The following SYNE1 variants were observed in gnomAD, a reference collection of about 807,000 sequenced individuals.
SYNE1 encodes nesprin-1.
In SYNE1, 616 loss-of-function variants were observed where a neutral mutation model predicts 1,111.0. That is an observed-to-expected ratio of 0.55 (90% CI 0.52 to 0.59). SYNE1 has a LOEUF of 0.59. Ranked by LOEUF, SYNE1 falls within the 20% of genes least tolerant of loss-of-function variation. SYNE1 has a pLI of 0.00. For missense variants in SYNE1, 10,006 were observed against 10,417.0 expected (o/e 0.96, Z 1.72); for synonymous variants, 3,855 against 3,825.8 (o/e 1.01, Z -0.28).
At chr6:152,448,800 C>A (rs369759120) in intron 28 of SYNE1, among the ~76,000 whole-genome samples, 1 of 152,032 alleles carries the variant, frequency 6.6e-6, no homozygotes, top group Non-Finnish European at 1.5e-5. Flanking sequence ...TATGAAGGTG[C>A]CACTGCACTC....
intron 16 of SYNE1, among the ~76,000 whole-genome samples, chr6:152,466,563 A>G (rs1022160130): frequency 7.9e-5 from 12 of 152,178 alleles, no homozygotes; most frequent in African/African-American, 2.7e-4. Flanking sequence ...AATTGGAAAT[A>G]ATTACATATT....
intron 3 of SYNE1, among the ~76,000 whole-genome samples, chr6:152,549,409 C>T (rs776485272): frequency 6.6e-6 from 1 of 152,212 alleles, no homozygotes; most frequent in Non-Finnish European, 1.5e-5. Flanking sequence ...GTTTGTTACA[C>T]AGCAAAGGCT....
At chr6:152,550,144 G>C (rs1426533240) in intron 3 of SYNE1, among the ~76,000 whole-genome samples, 1 of 152,112 alleles carries the variant, frequency 6.6e-6, no homozygotes, top group Non-Finnish European at 1.5e-5. Context: ...ACAAAATATA[G>C]TAAATCTAAG....
At position 152,148,319 on chromosome 6, in the gene SYNE1, A is replaced by T; in HGVS notation, c.24702T>A (p.Ala8234=). Residue 8234 remains alanine (A), a synonymous_variant, in exon 137 of 146, where the codon GCT becomes GCA. Coordinates refer to ENST00000367255, the MANE Select transcript of SYNE1 (RefSeq NM_182961.4). This position sits in a 1 kb window ranked among gnomAD's most constrained non-coding sequence, Gnocchi z 4.1. ...DRELELEDSA[A]LSDLHWHDRS... The stretch of plus-strand genomic sequence containing the variant: ...GGTCGTGCCAGTGCAGGTCCGACAG[A>T]GCTGCAGAGTCTTCCAGCTCCAGCT... The T allele has an allele frequency of 5.0e-6, 8 of 1,614,162 alleles. No homozygotes were observed. Among genetic ancestry groups the T allele is most frequent in the Non-Finnish European group, 6.8e-6 (8 of 1,180,012 alleles).
At chr6:152,339,901 A>G (rs976717266) in intron 74 of SYNE1, among the ~76,000 whole-genome samples, 3 of 152,226 alleles carry the variant, frequency 2.0e-5, no homozygotes, top group Non-Finnish European at 1.5e-5. Context: ...ATTTATAGAA[A>G]CAAAGAAATG....
At chr6:152,404,440 G>T in intron 45 of SYNE1, 126 bp from the exon 46 acceptor site, 1 of 715,628 alleles carries the variant, frequency 1.4e-6, no homozygotes, top group Non-Finnish European at 2.4e-6. Flanking sequence ...AAAAAAATCT[G>T]TTTCATTTTT....
Position 152,347,267 on chromosome 6 carries a change from G to A in SYNE1, c.11902-32C>T, listed in dbSNP as rs777034374. The A allele has an allele frequency of 1.1e-5, 18 of 1,612,720 alleles. No individual in the cohort carries two copies. In the South Asian group the frequency reaches 1.9e-4, roughly 17 times the overall value. On this transcript the variant is annotated intron_variant, in intron 72 of 145. Coordinates refer to ENST00000367255, the MANE Select transcript of SYNE1 (RefSeq NM_182961.4). ...AAGTGAAACCAATACAGAGTTTTCA[G>A]AATTCTACTTTTAAGTAACTTATCC...
Position 152,359,401 on chromosome 6 carries a change from C to G in SYNE1, c.10357G>C (p.Gly3453Arg), listed in dbSNP as rs139823841. ...ACATAGTGTTCTGTCATGCCAGCCCCTTTGACTTCGATGGTCTCCAGCAAG... is the reference window on the plus strand; with the variant it reads ...ACATAGTGTTCTGTCATGCCAGCCCGTTTGACTTCGATGGTCTCCAGCAAG... ...SSLLETIEVK[G>R]AGMTEHYVTQ... The change falls in exon 65 of 146, where the codon GGG becomes CGG. Residue 3453 changes from glycine to arginine, a missense_variant. By Grantham distance (125) the Gly-to-Arg change is moderately radical. This residue lies in a region of SYNE1 where 4,955 missense variants were observed against 5,017.2 expected (regional missense o/e 0.99). Coordinates refer to ENST00000367255, the MANE Select transcript of SYNE1 (RefSeq NM_182961.4). The G allele has an allele frequency of 6.2e-7, 1 of 1,614,162 alleles. No homozygotes were observed. The highest frequency in any genetic ancestry group is 1.3e-5 in the African/African-American group (1 of 75,038).
At chr6:152,407,768 T>C (rs2154166613) in intron 44 of SYNE1, among the ~76,000 whole-genome samples, 1 of 150,444 alleles carries the variant, frequency 6.6e-6, no homozygotes, top group Non-Finnish European at 1.5e-5. Context: ...TGTTCTTTTT[T>C]TTTTTTTTTT....
intron 36 of SYNE1, 48 bp from the exon 37 acceptor site, chr6:152,428,440 G>A: frequency 6.2e-7 from 1 of 1,603,232 alleles, no homozygotes; most frequent in South Asian, 1.1e-5. Context: ...GAGCCAACGA[G>A]GCCTGCATTT....
At chr6:152,602,266 A>T (rs1309174453) in intron 3 of SYNE1, among the ~76,000 whole-genome samples, 1 of 152,168 alleles carries the variant, frequency 6.6e-6, no homozygotes, top group Non-Finnish European at 1.5e-5. Flanking sequence ...GTGGGCCCTA[A>T]TCTACGATAA....
At chr6:152,329,072 A>T (rs905661298) in intron 78 of SYNE1, among the ~76,000 whole-genome samples, 2 of 152,216 alleles carry the variant, frequency 1.3e-5, no homozygotes, top group African/African-American at 4.8e-5. Flanking sequence ...ATTCATGGTT[A>T]ATCAGTTGTA....
rs766170872 is a variant in SYNE1, at chr6:152,339,350, G to A, written c.12242C>T (p.Ala4081Val). The A allele has an allele frequency of 6.2e-7, 1 of 1,613,722 alleles. No homozygotes were observed. Among genetic ancestry groups the A allele is most frequent in the Non-Finnish European group, 8.5e-7 (1 of 1,179,808 alleles). Residue 4081 changes from alanine to valine, a missense_variant, in exon 75 of 146, where the codon GCT (alanine) becomes GTT (valine). Physicochemically the swap from Ala to Val is moderately conservative, Grantham distance 64. Around this residue, in one of 7 missense-constraint regions of SYNE1, gnomAD observed 4,955 missense variants for 5,017.2 expected, o/e 0.99. Coordinates refer to ENST00000367255, the MANE Select transcript of SYNE1 (RefSeq NM_182961.4). ...GTAGGTCCTTGCCTGCTCTTGCAAAGCTCTGAAGTGTTTGACCTGGAAAAG... is the reference window on the plus strand; with the variant it reads ...GTAGGTCCTTGCCTGCTCTTGCAAAACTCTGAAGTGTTTGACCTGGAAAAG... ...EAIKQVKHFRALQEQARTYLD... is the reference protein window; with the variant it reads ...EAIKQVKHFRVLQEQARTYLD...
chr6:152,504,253 C>G (rs1033548380), intron 9 of SYNE1, among the ~76,000 whole-genome samples: 4 of 152,094 alleles, frequency 2.6e-5, no homozygotes, highest in Non-Finnish European at 5.9e-5. Flanking sequence ...GGGGTGGGGG[C>G]AGAGTGGGAC....
rs1458556876 is a variant in SYNE1 at position 152,366,959 on chromosome 6, A to C, written c.9972+259T>G. 13 of 652,562 alleles carry C rather than the reference A, an allele frequency of 2.0e-5. No individual in the cohort carries two copies. The Admixed American group carries it at 2.7e-4, about 14-fold the overall frequency. The allele number at this position is 652,562 out of a possible 1,614,324, so 40.4% of individuals were successfully genotyped here. A position where few individuals can be genotyped will look rare whatever the true frequency, so the allele number is the denominator to read the frequency against. ...TGAATATGTCTGTGATCTCATTTAA[A>C]ACTAGCCTCTTAACAAGTGATCACA... On this transcript the variant is annotated intron_variant, in intron 62 of 145. Transcript: ENST00000367255.
rs1198389161 is a variant in SYNE1, at chr6:152,176,579, T to C, written c.23461-19A>G. On this transcript the variant is annotated intron_variant, in intron 129 of 145. Transcript: ENST00000367255. ...GATAATCCTGTGTAATAAATAGCAATCACAGAGGTCAGAAAGCATATTCTT... is the reference window on the plus strand; with the variant it reads ...GATAATCCTGTGTAATAAATAGCAACCACAGAGGTCAGAAAGCATATTCTT... 1.2e-6 allele frequency: 2 copies of C among 1,612,854 alleles called. No individual in the cohort carries two copies. Among genetic ancestry groups the C allele is most frequent in the Admixed American group, 1.7e-5 (1 of 60,010 alleles).
At chr6:152,294,591 C>A (rs1562853814) in intron 93 of SYNE1, among the ~76,000 whole-genome samples, 2 of 152,084 alleles carry the variant, frequency 1.3e-5, no homozygotes, top group African/African-American at 2.4e-5. Context: ...TCTTCACTAT[C>A]TGTGGGTTCA....
intron 3 of SYNE1, among the ~76,000 whole-genome samples, chr6:152,564,385 C>T (rs1012627223): frequency 6.6e-6 from 1 of 152,172 alleles, no homozygotes; most frequent in Non-Finnish European, 1.5e-5. Context: ...GGCATGCTCT[C>T]GGCTCACTAT....
chr6:152,199,493 A>G (rs1356103713), intron 127 of SYNE1, among the ~76,000 whole-genome samples: 2 of 152,178 alleles, frequency 1.3e-5, no homozygotes, highest in South Asian at 2.1e-4. Context: ...AAGATTATGT[A>G]CCCTGTCTTT....
Sources: allele counts gnomAD v4.1 joint callset (sites outside exome capture counted in the v4.1 genomes callset), GRCh38; gene constraint gnomAD v4.1.1; regional missense constraint gnomAD v4.1.1; non-coding constraint Gnocchi (gnomAD v3.1); transcripts MANE v1.5; gene names NCBI Gene and HGNC (gene_info 2026-07-23, HGNC 2026-07-21).